The following ANKH variants were observed in gnomAD, a reference collection of about 807,000 sequenced individuals.
The protein encoded by ANKH is ANKH inorganic pyrophosphate transport regulator.
Under a neutral mutation model 49.0 loss-of-function variants are expected in ANKH, and 15 were observed. The ratio of observed to expected loss-of-function variants is 0.31; its 90% CI spans 0.20 to 0.47. The LOEUF (loss-of-function observed/expected upper bound fraction) is 0.47, where lower values mean the gene tolerates loss of function less well. ANKH is among the 20% of genes least tolerant of loss of function. The pLI, the probability that ANKH is intolerant of heterozygous loss-of-function variation, is 1.00. For missense variants in ANKH, 429 were observed against 652.0 expected (o/e 0.66, Z 3.72); for synonymous variants, 273 against 260.0 (o/e 1.05, Z -0.48).
At position 14,730,774 on chromosome 5, in the gene ANKH, G is replaced by A. The variant is rs146005527; in HGVS notation, c.1011+11053C>T. Among the ~76,000 whole-genome samples, 903 of 152,354 alleles carry A rather than the reference G, an allele frequency of 5.9e-3. 4 individuals carry two copies. Among genetic ancestry groups the A allele is most frequent in the African/African-American group, 0.02 (843 of 41,580 alleles). On this transcript the variant is annotated intron_variant, in intron 8 of 11. Transcript: ENST00000284268. ...CCCAAACCTCTGACTTCTAGGAGGCGTTTCCTTTCCCTGTGCCTCCACCTC... is the reference window on the plus strand; with the variant it reads ...CCCAAACCTCTGACTTCTAGGAGGCATTTCCTTTCCCTGTGCCTCCACCTC...
intron 6 of ANKH, among the ~76,000 whole-genome samples, chr5:14,746,218 G>C (rs1468385033): frequency 6.6e-6 from 1 of 152,144 alleles, no homozygotes; most frequent in East Asian, 1.9e-4. Flanking sequence ...CGTGAAACGA[G>C]GGGGATGCGT....
intron 1 of ANKH, among the ~76,000 whole-genome samples, chr5:14,835,840 C>T (rs1396176996): frequency 1.3e-5 from 2 of 152,154 alleles, no homozygotes; most frequent in South Asian, 2.1e-4. Context: ...ACCAATATCC[C>T]TGATGAACAT....
intron 6 of ANKH, among the ~76,000 whole-genome samples, chr5:14,746,886 A>G (rs1052191884): frequency 6.6e-6 from 1 of 152,212 alleles, no homozygotes; most frequent in African/African-American, 2.4e-5. Context: ...AGTGTAGGCT[A>G]TGAAGATGGG....
At position 14,737,598 on chromosome 5, in the gene ANKH, T is replaced by C. The variant is rs894269899; in HGVS notation, c.1011+4229A>G. On this transcript the variant is annotated intron_variant, in intron 8 of 11. Coordinates refer to ENST00000284268, the MANE Select transcript of ANKH (RefSeq NM_054027.6). The surrounding 1 kb of genome is among the most constrained non-coding windows in gnomAD (Gnocchi z 5.0). ...CCACTGGCTCTGACTCCAGCACCAGTGGAGACACCTTGCATGGCGAGGCTG... is the reference window on the plus strand; with the variant it reads ...CCACTGGCTCTGACTCCAGCACCAGCGGAGACACCTTGCATGGCGAGGCTG... Among the ~76,000 whole-genome samples the C allele has an allele frequency of 2.0e-5, 3 of 152,210 alleles. No homozygotes were observed. The highest frequency in any genetic ancestry group is 7.2e-5 in the African/African-American group (3 of 41,462).
chr5:14,771,979 A>G (rs1051751523), intron 1 of ANKH, among the ~76,000 whole-genome samples: 2 of 151,720 alleles, frequency 1.3e-5, no homozygotes, highest in Non-Finnish European at 2.9e-5. Flanking sequence ...AACCGTTCCC[A>G]ATTATAATTG....
chr5:14,720,312 AGATCTAGCAACTTG>A (rs1161416497), intron 8 of ANKH, among the ~76,000 whole-genome samples: 1 of 152,210 alleles, frequency 6.6e-6, no homozygotes, highest in East Asian at 1.9e-4. Context: ...ATACTTCCTT[AGATCTAGCAACTTG>A]GAGCTCAGGG....
Position 14,707,898 on chromosome 5 carries a change from G to A in ANKH, c.*3299C>T, listed in dbSNP as rs2126379479. 6.6e-6 allele frequency: 1 copy of A among 152,274 alleles called. No individual in the cohort carries two copies. The highest frequency in any genetic ancestry group is 2.1e-4 in the South Asian group (1 of 4,824). 9.4% of individuals were successfully genotyped at this position (152,274 alleles called of 1,614,324 possible). On this transcript the variant is annotated 3_prime_UTR_variant, in exon 12 of 12. Transcript: ENST00000284268. ...TTGGCACAAGACAAACCCGATGCAG[G>A]CAGTCATGGGGGATGACTGTTTTTT...
At position 14,725,488 on chromosome 5, in the gene ANKH, GC is replaced by G; in HGVS notation, c.1012-8654del. Among the ~76,000 whole-genome samples, 1 of 152,304 alleles carries G rather than the reference GC, an allele frequency of 6.6e-6. No individual in the cohort carries two copies. Among genetic ancestry groups the G allele is most frequent in the East Asian group, 1.9e-4 (1 of 5,182 alleles). ...CTAGCTTCTTATCCCATCACGGATG[GC>G]CAGACCTCTGGCACTCATCTGCAAA... On this transcript the variant is annotated intron_variant, in intron 8 of 11. Coordinates refer to ENST00000284268, the MANE Select transcript of ANKH (RefSeq NM_054027.6). The surrounding 1 kb of genome is among the most constrained non-coding windows in gnomAD (Gnocchi z 4.0).
At chr5:14,783,767 G>C (rs1036856931) in intron 1 of ANKH, among the ~76,000 whole-genome samples, 1 of 152,192 alleles carries the variant, frequency 6.6e-6, no homozygotes, top group Non-Finnish European at 1.5e-5. Context: ...TAAAATTAAA[G>C]TGCTTTGAAA....
intron 1 of ANKH, among the ~76,000 whole-genome samples, chr5:14,813,328 G>A (rs917125273): frequency 6.6e-6 from 1 of 152,064 alleles, no homozygotes; most frequent in East Asian, 1.9e-4. Flanking sequence ...GATACAGGAT[G>A]GTGTTAAAGA....
At chr5:14,810,272 C>G (rs910909624) in intron 1 of ANKH, among the ~76,000 whole-genome samples, 3 of 152,026 alleles carry the variant, frequency 2.0e-5, no homozygotes, top group African/African-American at 7.3e-5. Context: ...ATTCTCCTGC[C>G]TCAGCCTACC....
At chr5:14,810,571 TAA>T (rs1740848300) in intron 1 of ANKH, among the ~76,000 whole-genome samples, 1 of 152,212 alleles carries the variant, frequency 6.6e-6, no homozygotes, top group Non-Finnish European at 1.5e-5. Context: ...ATTTGGAGTT[TAA>T]AGTACCCAAG....
intron 1 of ANKH, among the ~76,000 whole-genome samples, chr5:14,791,963 A>G (rs974439197): frequency 6.6e-6 from 1 of 152,236 alleles, no homozygotes; most frequent in Non-Finnish European, 1.5e-5. Flanking sequence ...CCTGCCTTCA[A>G]GGAAGTCATG....
At position 14,765,125 on chromosome 5, in the gene ANKH, C is replaced by T. The variant is rs184683541; in HGVS notation, c.313+3850G>A. Among the ~76,000 whole-genome samples, 185 of 152,296 alleles carry T rather than the reference C, an allele frequency of 1.2e-3. 2 individuals are homozygous for T. Among genetic ancestry groups the T allele is most frequent in the African/African-American group, 3.6e-3 (151 of 41,562 alleles). On this transcript the variant is annotated intron_variant, in intron 2 of 11. Coordinates refer to ENST00000284268, the MANE Select transcript of ANKH (RefSeq NM_054027.6). ...GGCAAACCCCGGGCTCTGTACTCTT[C>T]GTTTTTGTTTTGTAACTTAATCTAG...
Position 14,797,350 on chromosome 5 carries a change from C to T in ANKH, c.97-28159G>A, listed in dbSNP as rs531731255. On this transcript the variant is annotated intron_variant, in intron 1 of 11. Coordinates refer to ENST00000284268, the MANE Select transcript of ANKH (RefSeq NM_054027.6). The stretch of plus-strand genomic sequence containing the variant: ...GCATCTTCTGGGGATTGTTCCTCTC[C>T]AATTTTACTTAAATCCTAGACATTC... 23 of 1,609,156 alleles carry T rather than the reference C, an allele frequency of 1.4e-5. No homozygotes were observed. In the East Asian group the frequency reaches 4.2e-4, roughly 30 times the overall value.
At chr5:14,861,355 C>A (rs1735485328) in intron 1 of ANKH, among the ~76,000 whole-genome samples, 1 of 152,156 alleles carries the variant, frequency 6.6e-6, no homozygotes, top group Non-Finnish European at 1.5e-5. Context: ...CTAGGAAAAT[C>A]CTCATTAACC....
At chr5:14,787,794 T>C (rs1188118471) in intron 1 of ANKH, among the ~76,000 whole-genome samples, 1 of 152,150 alleles carries the variant, frequency 6.6e-6, no homozygotes, top group African/African-American at 2.4e-5. Context: ...CTCATCTCAC[T>C]TGAAAAACAC....
chr5:14,866,891 G>A (rs762054328), intron 1 of ANKH, among the ~76,000 whole-genome samples: 12 of 151,976 alleles, frequency 7.9e-5, no homozygotes, highest in Admixed American at 1.3e-4. Context: ...CAATATACAG[G>A]CCAGATGTGG....
At chr5:14,751,375 T>C (rs1404940941) in intron 4 of ANKH, 136 bp from the exon 5 acceptor site, 16 of 843,614 alleles carry the variant, frequency 1.9e-5, no homozygotes, top group South Asian at 1.8e-4. Flanking sequence ...GAACCAAAAA[T>C]TGGATGATGA....
Sources: allele counts gnomAD v4.1 joint callset (sites outside exome capture counted in the v4.1 genomes callset), GRCh38; gene constraint gnomAD v4.1.1; non-coding constraint Gnocchi (gnomAD v3.1); transcripts MANE v1.5; gene names NCBI Gene and HGNC (gene_info 2026-07-23, HGNC 2026-07-21).